Variants in ZNF780B observed in about 807,000 individuals in gnomAD.
ZNF780B encodes zinc finger protein 780B, also known as zinc finger protein 779.
ZNF780B carries 52 observed loss-of-function variants against 74.1 expected under a neutral mutation model. The ratio of observed to expected loss-of-function variants is 0.70; its 90% CI spans 0.56 to 0.88. The LOEUF (loss-of-function observed/expected upper bound fraction) is 0.88. Among genes scored for constraint, ZNF780B ranks in the 40% least tolerant of loss-of-function variants. The probability of loss-of-function intolerance (pLI) is 0.00; values close to 1 mark genes in which losing one functional copy is unlikely to be tolerated. For synonymous variants in ZNF780B, 315 were observed against 324.3 expected (o/e 0.97, Z 0.31); for missense variants, 953 against 1,007.6 (o/e 0.95, Z 0.73).
intron 4 of ZNF780B, among the ~76,000 whole-genome samples, chr19:40,039,102 A>G (rs1972503965): frequency 6.6e-6 from 1 of 151,796 alleles, no homozygotes; most frequent in Non-Finnish European, 1.5e-5. Context: ...GGTGTAAGGA[A>G]GGGATCCAGT....
chr19:40,034,997 G>A lies in ZNF780B; in HGVS notation c.1862C>T (p.Ala621Val). Residue 621 changes from alanine to valine, a missense_variant, in exon 5 of 5, where the codon GCC (alanine) becomes GTC (valine). Transcript: ENST00000434248. Reference protein sequence around the residue: ...KPFECKECGKAFSLHTQLNHH... With the variant: ...KPFECKECGKVFSLHTQLNHH... ...ATTAAGCTGGGTGTGAAGACTGAAG[G>A]CCTTGCCACATTCCTTACATTCAAA... The A allele has an allele frequency of 6.2e-7, 1 of 1,614,022 alleles. No individual in the cohort carries two copies. The highest frequency in any genetic ancestry group is 8.5e-7 in the Non-Finnish European group (1 of 1,179,996).
Position 40,034,865 on chromosome 19 carries a change from C to A in ZNF780B, c.1994G>T (p.Gly665Val), listed in dbSNP as rs1294756671. The A allele has an allele frequency of 6.2e-7, 1 of 1,613,520 alleles. No individual in the cohort carries two copies. The highest frequency in any genetic ancestry group is 2.2e-5 in the East Asian group (1 of 44,854). The change falls in exon 5 of 5, where the codon GGT becomes GTT. Residue 665 changes from glycine to valine, a missense_variant. Transcript: ENST00000434248. ...NLVQHQSIHA[G>V]VKPYECKECG... is the part of the protein sequence containing the mutation. Reference sequence around the variant, plus strand: ...CTCCTTACATTCATATGGTTTTACACCAGCATGAATACTCTGATGTTGAAC... The same window carrying A: ...CTCCTTACATTCATATGGTTTTACAACAGCATGAATACTCTGATGTTGAAC...
At chr19:40,036,945 G>C (rs1972362517) in intron 4 of ZNF780B, among the ~76,000 whole-genome samples, 1 of 146,194 alleles carries the variant, frequency 6.8e-6, no homozygotes, top group African/African-American at 2.6e-5. Context: ...TTTCACTCTT[G>C]TCGCCCAGGC....
chr19:40,033,632 A>G lies in ZNF780B; in HGVS notation c.*725T>C, dbSNP rs1972092702. On this transcript the variant is annotated 3_prime_UTR_variant, in exon 5 of 5. Transcript: ENST00000434248. ...CATCAATATGAATTCTCTGGTGTTGAGTAAATTTTTCATACACAGTGAAGG... is the reference window on the plus strand; with the variant it reads ...CATCAATATGAATTCTCTGGTGTTGGGTAAATTTTTCATACACAGTGAAGG... 1 of 153,768 alleles carries G rather than the reference A, an allele frequency of 6.5e-6. No homozygotes were observed. Among genetic ancestry groups the G allele is most frequent in the Non-Finnish European group, 1.5e-5 (1 of 68,512 alleles). The allele number at this position is 153,768 out of a possible 1,614,324, so 9.5% of individuals were successfully genotyped here. A position where few individuals can be genotyped will look rare whatever the true frequency, so the allele number is the denominator to read the frequency against.
intron 4 of ZNF780B, among the ~76,000 whole-genome samples, chr19:40,041,643 C>G (rs1972643655): frequency 1.3e-5 from 2 of 152,228 alleles, no homozygotes; most frequent in Non-Finnish European, 2.9e-5. Context: ...TTGAATTGAT[C>G]CCTTTACCAT....
rs1357524967 is a variant in ZNF780B, at chr19:40,034,526, T to C, written c.2333A>G (p.Glu778Gly). 11 of 1,613,400 alleles carry C rather than the reference T, an allele frequency of 6.8e-6. No individual in the cohort carries two copies. The highest frequency in any genetic ancestry group is 9.3e-6 in the Non-Finnish European group (11 of 1,179,846). ...LVQPQSIHTG[E>G]KPYECKECGK... ...ACACTCCTTACATTCATAGGGTTTC[T>C]CACCAGTATGAATACTCTGAGGTTG... Residue 778 changes from glutamate to glycine, a missense_variant, in exon 5 of 5, where the codon GAG (glutamate) becomes GGG (glycine). By Grantham distance (98) the Glu-to-Gly change is moderately conservative (BLOSUM62 -2). Coordinates refer to ENST00000434248, the MANE Select transcript of ZNF780B (RefSeq NM_001005851.3).
chr19:40,040,091 A>G (rs1265077096), intron 4 of ZNF780B, among the ~76,000 whole-genome samples: 3 of 152,154 alleles, frequency 2.0e-5, no homozygotes, highest in Non-Finnish European at 4.4e-5. Context: ...TCCCATCAAT[A>G]CCTCATTTAT....
rs777852407 is a variant in ZNF780B, at chr19:40,052,518, C to T, written c.-45-2141G>A. On this transcript the variant is annotated intron_variant, in intron 1 of 4. Transcript: ENST00000434248. ...GAGCTTTGTGGTCCCCAAGACCATA[C>T]GTGGAGTTACAAGAACTCAGATTAA... Among the ~76,000 whole-genome samples the T allele has an allele frequency of 1.1e-4, 17 of 151,912 alleles. No homozygotes were observed. In the Middle Eastern group the frequency reaches 0.014, roughly 122 times the overall value.
chr19:40,032,311 T>C lies in ZNF780B; in HGVS notation c.*2046A>G, dbSNP rs1193560843. On this transcript the variant is annotated 3_prime_UTR_variant, in exon 5 of 5. Transcript: ENST00000434248. ...AGGTTTACTAAGTTCCACAGGGGAT[T>C]CTGATACCCACCATAATTTGAGAGC... The C allele has an allele frequency of 2.7e-6, 1 of 372,884 alleles. No homozygotes were observed. 23.1% of individuals were successfully genotyped at this position (372,884 alleles called of 1,614,324 possible). A position where few individuals can be genotyped will look rare whatever the true frequency, so the allele number is the denominator to read the frequency against.
intron 4 of ZNF780B, among the ~76,000 whole-genome samples, chr19:40,046,085 G>A (rs2144795755): frequency 6.6e-6 from 1 of 152,306 alleles, no homozygotes; most frequent in South Asian, 2.1e-4. Context: ...GAAACCAGAG[G>A]CTGGGAAGGG....
At chr19:40,047,758 T>C (rs1973001534) in intron 3 of ZNF780B, among the ~76,000 whole-genome samples, 1 of 152,186 alleles carries the variant, frequency 6.6e-6, no homozygotes, top group South Asian at 2.1e-4. Context: ...TGCCACCCAC[T>C]AGTACTTTGA....
At position 40,030,350 on chromosome 19, in the gene ZNF780B, C is replaced by T. The variant is rs1033185013; in HGVS notation, c.*4007G>A. On this transcript the variant is annotated 3_prime_UTR_variant, in exon 5 of 5. Transcript: ENST00000434248. ...TTTGTACAACCAGCTCTCATAGGAA[C>T]TAACAGAGTGATAATTCACCCCCCA... 1 of 152,174 alleles carries T rather than the reference C, an allele frequency of 6.6e-6. No individual in the cohort carries two copies. Among genetic ancestry groups the T allele is most frequent in the African/African-American group, 2.4e-5 (1 of 41,422 alleles). The allele number at this position is 152,174 out of a possible 1,614,324, so 9.4% of individuals were successfully genotyped here. A position where few individuals can be genotyped will look rare whatever the true frequency, so the allele number is the denominator to read the frequency against.
chr19:40,032,236 A>C lies in ZNF780B; in HGVS notation c.*2121T>G, dbSNP rs754297623. 1 of 361,866 alleles carries C rather than the reference A, an allele frequency of 2.8e-6. No homozygotes were observed. Among genetic ancestry groups the C allele is most frequent in the Non-Finnish European group, 5.4e-6 (1 of 185,200 alleles). The allele number at this position is 361,866 out of a possible 1,614,324, so 22.4% of individuals were successfully genotyped here. On this transcript the variant is annotated 3_prime_UTR_variant, in exon 5 of 5. Coordinates refer to ENST00000434248, the MANE Select transcript of ZNF780B (RefSeq NM_001005851.3). ...GTATCACAGACACAAAACCTGGAGA[A>C]ATAATAAAAAACAGAGGCCCAGGCT...
rs375788973 is a variant in ZNF780B, at chr19:40,050,338, T to C, written c.-6A>G. The C allele has an allele frequency of 8.8e-4, 1,406 of 1,595,834 alleles. 5 individuals are homozygous for C. The highest frequency in any genetic ancestry group is 1.8e-3 in the South Asian group (161 of 89,780). ...CACCAACTTACATGGACCATGTTTC[T>C]AGAATTACAAAATTGGTCAATCTTC... On this transcript the variant is annotated 5_prime_UTR_variant, in exon 2 of 5. Coordinates refer to ENST00000434248, the MANE Select transcript of ZNF780B (RefSeq NM_001005851.3).
chr19:40,038,784 T>G (rs1972485846), intron 4 of ZNF780B, among the ~76,000 whole-genome samples: 1 of 151,980 alleles, frequency 6.6e-6, no homozygotes. Flanking sequence ...TAAATTTGTT[T>G]GAGTTCATTG....
rs115985773 is a variant in ZNF780B at position 40,034,157 on chromosome 19, G to A, written c.*200C>T. 902 of 647,120 alleles carry A rather than the reference G, an allele frequency of 1.4e-3. 8 individuals carry two copies. The African/African-American group carries it at 0.015, about 11-fold the overall frequency. 40.1% of individuals were successfully genotyped at this position (647,120 alleles called of 1,614,324 possible). A position where few individuals can be genotyped will look rare whatever the true frequency, so the allele number is the denominator to read the frequency against. ...TTAACAGGTTTGAACTATGACTAAAGGCTTTCCCACATTCTTCACATTGAT... is the reference window on the plus strand; with the variant it reads ...TTAACAGGTTTGAACTATGACTAAAAGCTTTCCCACATTCTTCACATTGAT... On this transcript the variant is annotated 3_prime_UTR_variant, in exon 5 of 5. Transcript: ENST00000434248.
chr19:40,050,360 C>A lies in ZNF780B; in HGVS notation c.-28G>T, dbSNP rs1599795943. ...TTCTAGAATTACAAAATTGGTCAATCTTCCTCGGGCTTCTCCCCTGGAAAA... is the reference window on the plus strand; with the variant it reads ...TTCTAGAATTACAAAATTGGTCAATATTCCTCGGGCTTCTCCCCTGGAAAA... On this transcript the variant is annotated 5_prime_UTR_variant, in exon 2 of 5. Transcript: ENST00000434248. The A allele has an allele frequency of 6.3e-7, 1 of 1,588,444 alleles. No individual in the cohort carries two copies. The highest frequency in any genetic ancestry group is 2.2e-5 in the East Asian group (1 of 44,610).
At position 40,034,823 on chromosome 19, in the gene ZNF780B, C is replaced by A; in HGVS notation, c.2036G>T (p.Ser679Ile). The A allele has an allele frequency of 6.2e-7, 1 of 1,613,838 alleles. No individual in the cohort carries two copies. The highest frequency in any genetic ancestry group is 8.5e-7 in the Non-Finnish European group (1 of 1,179,928). ...YECKECGKGF[S>I]RVSNLIQHQK... ...ATGCTGAATAAGGTTTGAAACACGA[C>A]TAAAGCCTTTCCCACACTCCTTACA... The change falls in exon 5 of 5, where the codon AGT (serine) becomes ATT (isoleucine). Residue 679 changes from serine to isoleucine, a missense_variant. Coordinates refer to ENST00000434248, the MANE Select transcript of ZNF780B (RefSeq NM_001005851.3).
rs757927519 is a variant in ZNF780B, at chr19:40,047,428, T to A, written c.179A>T (p.Gln60Leu). ...TACAACAATCCAGGGCTCTTTCTCT[T>A]GCTCTAGTAATGTAATCACATCTGG... Reference protein sequence around the residue: ...SKPDVITLLEQEKEPWIVVSK... With the variant: ...SKPDVITLLELEKEPWIVVSK... The change falls in exon 4 of 5, where the codon CAA becomes CTA. Residue 60 changes from glutamine (Q) to leucine (L), a missense_variant. By Grantham distance (113) the Gln-to-Leu change is moderately radical. Transcript: ENST00000434248. The A allele has an allele frequency of 1.2e-6, 2 of 1,613,848 alleles. No homozygotes were observed. The highest frequency in any genetic ancestry group is 2.7e-5 in the African/African-American group (2 of 74,902).
Sources: allele counts gnomAD v4.1 joint callset (sites outside exome capture counted in the v4.1 genomes callset), GRCh38; gene constraint gnomAD v4.1.1; transcripts MANE v1.5; gene names NCBI Gene and HGNC (gene_info 2026-07-23, HGNC 2026-07-21).